Variants in ZNF585A observed in about 807,000 individuals in gnomAD.
The protein encoded by ZNF585A is zinc finger protein 585A.
ZNF585A carries 9 observed loss-of-function variants against 14.9 expected under a neutral mutation model. The observed-to-expected ratio is 0.60, with a 90% CI of 0.36 to 1.05. ZNF585A has a LOEUF of 1.05. Among genes scored for constraint, ZNF585A ranks in the 50% least tolerant of loss-of-function variants. ZNF585A has a pLI of 0.01. For missense variants in ZNF585A, 726 were observed against 926.4 expected (o/e 0.78, Z 2.81); for synonymous variants, 276 against 319.9 (o/e 0.86, Z 1.46).
rs1220330112 is a variant in ZNF585A at position 37,152,317 on chromosome 19, C to G, written c.1582G>C (p.Gly528Arg). ...GEKPYECNTC[G>R]KAFTQKSHLN... The stretch of plus-strand genomic sequence containing the variant: ...TGTGACTTCTGAGTGAAGGCTTTTC[C>G]ACAAGTATTGCATTCATAAGGCTTC... The change falls in exon 5 of 5, where the codon GGA (glycine) becomes CGA (arginine). Residue 528 changes from glycine (G) to arginine (R), a missense_variant. Around this residue, in one of 2 missense-constraint regions of ZNF585A, gnomAD observed 243 missense variants for 383.6 expected, o/e 0.63. Coordinates refer to ENST00000292841, the MANE Select transcript of ZNF585A (RefSeq NM_001288800.2). 1 of 1,614,072 alleles carries G rather than the reference C, an allele frequency of 6.2e-7. No homozygotes were observed. The highest frequency in any genetic ancestry group is 8.5e-7 in the Non-Finnish European group (1 of 1,180,018).
At position 37,169,819 on chromosome 19, in the gene ZNF585A, C is replaced by A; in HGVS notation, c.72+20G>T. 6.2e-7 allele frequency: 1 copy of A among 1,609,782 alleles called. No individual in the cohort carries two copies. Among genetic ancestry groups the A allele is most frequent in the Non-Finnish European group, 8.5e-7 (1 of 1,179,926 alleles). ...AGTCCTGGATTGAATTCCCACCCCC[C>A]TGGGACTCCTCCTTCTCACCTCATA... On this transcript the variant is annotated intron_variant, in intron 2 of 4. Transcript: ENST00000292841.
Position 37,148,762 on chromosome 19 carries a change from A to ACAGT in ZNF585A, c.*2823_*2826dup, listed in dbSNP as rs1269659951. 6.6e-6 allele frequency: 1 copy of ACAGT among 152,218 alleles called. No individual in the cohort carries two copies. The highest frequency in any genetic ancestry group is 1.5e-5 in the Non-Finnish European group (1 of 68,032). The allele number at this position is 152,218 out of a possible 1,614,324, so 9.4% of individuals were successfully genotyped here. A position where few individuals can be genotyped will look rare whatever the true frequency, so the allele number is the denominator to read the frequency against. The stretch of plus-strand genomic sequence containing the variant: ...CATAATTGCCAAAAGGAAGCATCCA[A>ACAGT]CAGTCCTTCAGTAGGTGAATAAATA... On this transcript the variant is annotated 3_prime_UTR_variant, in exon 5 of 5. Transcript: ENST00000292841.
In ZNF585A at chr19:37,153,200, C is replaced by T; in HGVS notation, c.699G>A (p.Glu233=). ...FSYNSDLSIH[E]KIHTGERHHE... is the part of the protein sequence containing the mutation. ...GGTGTCTCTCTCCAGTATGAATTTT[C>T]TCATGTATACTGAGATCTGAGTTAT... Residue 233 remains glutamate (E), a synonymous_variant, in exon 5 of 5, where the codon GAG becomes GAA. Transcript: ENST00000292841. The T allele has an allele frequency of 1.2e-6, 2 of 1,614,148 alleles. No homozygotes were observed. The highest frequency in any genetic ancestry group is 1.7e-6 in the Non-Finnish European group (2 of 1,180,026).
intron 2 of ZNF585A, among the ~76,000 whole-genome samples, chr19:37,163,445 T>TAA (rs367729509): frequency 1.3e-3 from 147 of 117,256 alleles, no homozygotes; most frequent in African/African-American, 3.7e-3. Flanking sequence ...AGTAAAAAAG[T>TAA]AAAAAAAAAA....
intron 2 of ZNF585A, among the ~76,000 whole-genome samples, chr19:37,157,711 A>C (rs1037689838): frequency 6.6e-6 from 1 of 152,204 alleles, no homozygotes; most frequent in African/African-American, 2.4e-5. Context: ...AAACAGGTTT[A>C]TATAAATGGA....
At chr19:37,155,487 C>T (rs1668944471) in intron 4 of ZNF585A, among the ~76,000 whole-genome samples, 1 of 151,872 alleles carries the variant, frequency 6.6e-6, no homozygotes. Flanking sequence ...CCTGCCTCTA[C>T]TAAAAGTACA....
intron 2 of ZNF585A, among the ~76,000 whole-genome samples, chr19:37,164,575 G>A (rs973423638): frequency 1.3e-5 from 2 of 151,896 alleles, no homozygotes; most frequent in African/African-American, 4.8e-5. Flanking sequence ...TTCTTTTCAA[G>A]TGCCTATACA....
intron 4 of ZNF585A, 139 bp downstream of exon 4, chr19:37,155,726 G>T: frequency 2.3e-6 from 2 of 865,952 alleles, no homozygotes; most frequent in East Asian, 2.7e-5. Flanking sequence ...GAGGCCAAGG[G>T]GGCATCAAGC....
At chr19:37,154,794 T>TA (rs532561001) in intron 4 of ZNF585A, among the ~76,000 whole-genome samples, 1,639 of 105,564 alleles carry the variant, frequency 0.016, 28 homozygotes, top group East Asian at 0.064. Context: ...CATCTCACAG[T>TA]AAAAAAAAAA....
rs374585649 is a variant in ZNF585A, at chr19:37,155,879, C to T, written c.278G>A (p.Arg93His). ...GCTTCACTCACCTGGGCAGCTCTGA[C>T]GTGGCCTCTCACCCTGCAGTGCCCA... ...EPWALQGERP[R>H]QSCPGEKLWD... The change falls in exon 4 of 5, where the codon CGT (arginine) becomes CAT (histidine). Residue 93 changes from arginine to histidine, a missense_variant. Arg to His is a conservative substitution (Grantham distance 29). This residue lies in a region of ZNF585A where 483 missense variants were observed against 542.8 expected (regional missense o/e 0.89). Transcript: ENST00000292841. 12 of 1,612,142 alleles carry T rather than the reference C, an allele frequency of 7.4e-6. No individual in the cohort carries two copies. The highest frequency in any genetic ancestry group is 2.2e-5 in the South Asian group (2 of 91,006).
intron 2 of ZNF585A, among the ~76,000 whole-genome samples, chr19:37,164,072 G>T: frequency 6.6e-6 from 1 of 152,128 alleles, no homozygotes; most frequent in Non-Finnish European, 1.5e-5. Context: ...TTCGGATGCC[G>T]TATTTACTAT....
At chr19:37,153,886 ATAGCTCTC>A (rs1409832229) in intron 4 of ZNF585A, among the ~76,000 whole-genome samples, 2 of 152,280 alleles carry the variant, frequency 1.3e-5, no homozygotes, top group African/African-American at 4.8e-5. Flanking sequence ...TTCTCTGCTG[ATAGCTCTC>A]TATTTGTCAC....
At chr19:37,154,812 G>GA (rs1243645601) in intron 4 of ZNF585A, among the ~76,000 whole-genome samples, 1 of 148,602 alleles carries the variant, frequency 6.7e-6, no homozygotes, top group Non-Finnish European at 1.5e-5. Flanking sequence ...AAAAAAGAAA[G>GA]AAAAAAAAGA....
At chr19:37,156,159 C>T in intron 3 of ZNF585A, 70 bp downstream of exon 3, 1 of 1,592,330 alleles carries the variant, frequency 6.3e-7, no homozygotes, top group Non-Finnish European at 8.6e-7. Flanking sequence ...ATGCGGACAG[C>T]ATTCACCAAC....
intron 2 of ZNF585A, among the ~76,000 whole-genome samples, chr19:37,168,308 T>G (rs1972128540): frequency 6.6e-6 from 1 of 152,164 alleles, no homozygotes; most frequent in Non-Finnish European, 1.5e-5. Flanking sequence ...TACTATCAGT[T>G]AAACCTCAGT....
In ZNF585A at chr19:37,157,325, C is replaced by A. The variant is rs551307063; in HGVS notation, c.73-970G>T. ...TCCTAGCAACTGGATGAATGACCTG[C>A]GATATGCTTTCTGATCAATTTAGGA... On this transcript the variant is annotated intron_variant, in intron 2 of 4. Transcript: ENST00000292841. 1.9e-3 allele frequency among the ~76,000 whole-genome samples: 295 copies of A among 152,214 alleles called. 16 individuals carry two copies. In the South Asian group the frequency reaches 0.058, roughly 30 times the overall value.
chr19:37,163,042 A>G (rs1972034763), intron 2 of ZNF585A, among the ~76,000 whole-genome samples: 1 of 152,098 alleles, frequency 6.6e-6, no homozygotes, highest in South Asian at 2.1e-4. Flanking sequence ...TTCATCACAC[A>G]CTTGCATATT....
At chr19:37,169,797 C>G in intron 2 of ZNF585A, 42 bp downstream of exon 2, 1 of 1,604,402 alleles carries the variant, frequency 6.2e-7, no homozygotes, top group South Asian at 1.1e-5. Flanking sequence ...GATACCTAGT[C>G]CTGGATTGAA....
At position 37,148,128 on chromosome 19, in the gene ZNF585A, A is replaced by G. The variant is rs1160333797; in HGVS notation, c.*3461T>C. 1 of 152,166 alleles carries G rather than the reference A, an allele frequency of 6.6e-6. No homozygotes were observed. Among genetic ancestry groups the G allele is most frequent in the Non-Finnish European group, 1.5e-5 (1 of 68,032 alleles). The allele number at this position is 152,166 out of a possible 1,614,324, so 9.4% of individuals were successfully genotyped here. A position where few individuals can be genotyped will look rare whatever the true frequency, so the allele number is the denominator to read the frequency against. On this transcript the variant is annotated 3_prime_UTR_variant, in exon 5 of 5. Transcript: ENST00000292841. The stretch of plus-strand genomic sequence containing the variant: ...TGCATAGTGGACAGACCGTTTTACA[A>G]TCCTACAAGCAATGCATGAAAATTT...
Sources: allele counts gnomAD v4.1 joint callset (sites outside exome capture counted in the v4.1 genomes callset), GRCh38; gene constraint gnomAD v4.1.1; regional missense constraint gnomAD v4.1.1; transcripts MANE v1.5; gene names NCBI Gene and HGNC (gene_info 2026-07-23, HGNC 2026-07-21).